LMBR1: variants seen among roughly 807,000 people sequenced by gnomAD.
LMBR1 encodes the protein limb development membrane protein 1, also known as limb region 1 protein homolog.
In LMBR1, 52 loss-of-function variants were observed where a neutral mutation model predicts 73.9. That is an observed-to-expected ratio of 0.70 (90% CI 0.56 to 0.89). The LOEUF (loss-of-function observed/expected upper bound fraction) is 0.89. Ranked by LOEUF, LMBR1 falls within the 40% of genes least tolerant of loss-of-function variation. The probability of loss-of-function intolerance (pLI) is 0.00; values close to 1 mark genes in which losing one functional copy is unlikely to be tolerated. For missense variants in LMBR1, 539 were observed against 579.8 expected (o/e 0.93, Z 0.72); for synonymous variants, 215 against 209.4 (o/e 1.03, Z -0.23).
chr7:156,698,729 C>T (rs561645842), intron 15 of LMBR1, among the ~76,000 whole-genome samples: 2 of 152,136 alleles, frequency 1.3e-5, no homozygotes, highest in Admixed American at 6.5e-5. Context: ...ACCACTTTTT[C>T]CTCCTAAACC....
intron 7 of LMBR1, 24 bp downstream of exon 7, chr7:156,763,084 A>G (rs1280578334): frequency 7.7e-6 from 9 of 1,171,530 alleles, no homozygotes; most frequent in Admixed American, 6.3e-5. Flanking sequence ...TTTTCTCTTA[A>G]TATCAAGTCT....
chr7:156,845,006 C>T (rs1839367418), intron 1 of LMBR1, among the ~76,000 whole-genome samples: 1 of 152,146 alleles, frequency 6.6e-6, no homozygotes, highest in African/African-American at 2.4e-5. Context: ...TCATTTAAGG[C>T]CTATCGGCTT....
chr7:156,817,502 GAGAGAGAGAGAGACAGAGACAGAC>G (rs897537346), intron 4 of LMBR1, among the ~76,000 whole-genome samples: 25 of 140,116 alleles, frequency 1.8e-4, no homozygotes, highest in Non-Finnish European at 2.3e-4. Context: ...CAGAGAGAGA[GAGAGAGAGAGAGACAGAGACAGAC>G]AGAGAGACAG....
downstream of LMBR1, chr7:156,676,657 T>C (rs1195876669): frequency 6.2e-7 from 1 of 1,610,312 alleles, no homozygotes; most frequent in Non-Finnish European, 8.5e-7. Context: ...GAATGTTGAA[T>C]TCATAGTCAA....
At chr7:156,836,080 T>C (rs750214595) in intron 2 of LMBR1, among the ~76,000 whole-genome samples, 2 of 152,208 alleles carry the variant, frequency 1.3e-5, no homozygotes, top group Non-Finnish European at 2.9e-5. Context: ...ACTAAACTAA[T>C]ACACTAGAGC....
In LMBR1 at chr7:156,688,096, C is replaced by A; in HGVS notation, c.1321G>T (p.Val441Leu). Reference protein sequence around the residue: ...VLSYNLLFAIVTTLCLVRKFT... With the variant: ...VLSYNLLFAILTTLCLVRKFT... ...TTTCGGACCAGACACAATGTTGTCACAATAGCAAAAAGCAAATTGTAGGAT... is the reference window on the plus strand; with the variant it reads ...TTTCGGACCAGACACAATGTTGTCAAAATAGCAAAAAGCAAATTGTAGGAT... Residue 441 changes from valine to leucine, a missense_variant, in exon 16 of 17, where the codon GTG becomes TTG. Physicochemically the swap from Val to Leu is conservative, Grantham distance 32. Coordinates refer to ENST00000353442, the MANE Select transcript of LMBR1 (RefSeq NM_022458.4). 2 of 1,612,810 alleles carry A rather than the reference C, an allele frequency of 1.2e-6. No individual in the cohort carries two copies. Among genetic ancestry groups the A allele is most frequent in the Non-Finnish European group, 1.7e-6 (2 of 1,179,606 alleles).
intron 1 of LMBR1, among the ~76,000 whole-genome samples, chr7:156,864,416 T>TA (rs1798163748): frequency 6.6e-6 from 1 of 152,206 alleles, no homozygotes; most frequent in Non-Finnish European, 1.5e-5. Context: ...TCTATATTAA[T>TA]ATGTTTCAAA....
intron 16 of LMBR1, among the ~76,000 whole-genome samples, chr7:156,687,139 G>A (rs551517704): frequency 1.9e-4 from 29 of 152,306 alleles, no homozygotes; most frequent in African/African-American, 6.5e-4. Flanking sequence ...TGCTCATATC[G>A]TTTAAGTTAT....
At chr7:156,858,801 A>G (rs111713705) in intron 1 of LMBR1, among the ~76,000 whole-genome samples, 53 of 152,318 alleles carry the variant, frequency 3.5e-4, no homozygotes, top group East Asian at 1.7e-3. Flanking sequence ...CAGGCTAAAG[A>G]TGAAACATAA....
Position 156,686,097 on chromosome 7 carries a change from AC to A in LMBR1, c.1387+1932del, listed in dbSNP as rs539682345. Among the ~76,000 whole-genome samples the A allele has an allele frequency of 1.0e-3, 154 of 152,306 alleles. 1 individual carries two copies. The highest frequency in any genetic ancestry group is 3.6e-3 in the African/African-American group (148 of 41,568). ...TAAAATCAAGCTTGTTAGAAAAGGG[AC>A]TGAGTGAAGACAGAGGATCACTGCG... On this transcript the variant is annotated intron_variant, in intron 16 of 16. Coordinates refer to ENST00000353442, the MANE Select transcript of LMBR1 (RefSeq NM_022458.4).
chr7:156,876,777 A>T (rs2134399476), intron 1 of LMBR1, among the ~76,000 whole-genome samples: 1 of 152,334 alleles, frequency 6.6e-6, no homozygotes, highest in South Asian at 2.1e-4. Flanking sequence ...ACCAAATGAT[A>T]ATAGTGACAC....
At chr7:156,684,280 G>GTGC in intron 16 of LMBR1, 117 bp from the exon 17 acceptor site, 3 of 787,094 alleles carry the variant, frequency 3.8e-6, no homozygotes, top group Non-Finnish European at 6.4e-6. Context: ...AAGCTGTGAG[G>GTGC]TGCTGGCCAG....
chr7:156,743,244 G>A (rs567111339), intron 9 of LMBR1, among the ~76,000 whole-genome samples: 2 of 152,038 alleles, frequency 1.3e-5, no homozygotes, highest in African/African-American at 2.4e-5. Flanking sequence ...AATGACTTAC[G>A]ATTTAGCTTC....
chr7:156,692,504 C>T (rs1173056161), intron 15 of LMBR1, among the ~76,000 whole-genome samples: 1 of 152,216 alleles, frequency 6.6e-6, no homozygotes, highest in Admixed American at 6.5e-5. Context: ...TCCCTCTCAA[C>T]TTTATAAACT....
intron 5 of LMBR1, among the ~76,000 whole-genome samples, chr7:156,785,891 T>C (rs888896678): frequency 3.9e-5 from 6 of 152,106 alleles, no homozygotes. Context: ...GAGAGAAATA[T>C]ACAATAAATC....
intron 1 of LMBR1, among the ~76,000 whole-genome samples, chr7:156,844,201 G>C (rs997894624): frequency 1.3e-5 from 2 of 151,916 alleles, no homozygotes; most frequent in African/African-American, 4.8e-5. Flanking sequence ...GTACACGCCT[G>C]TAATACTAGC....
At chr7:156,699,169 A>G (rs1479941233) in intron 15 of LMBR1, among the ~76,000 whole-genome samples, 1 of 150,298 alleles carries the variant, frequency 6.7e-6, no homozygotes, top group African/African-American at 2.4e-5. Flanking sequence ...ACAAGGCTAC[A>G]GTAACCAAAA....
At chr7:156,788,922 C>T (rs1828677223) in intron 5 of LMBR1, among the ~76,000 whole-genome samples, 1 of 152,092 alleles carries the variant, frequency 6.6e-6, no homozygotes, top group Non-Finnish European at 1.5e-5. Flanking sequence ...GTGGTGGGCA[C>T]CTGTAATCCC....
At chr7:156,706,146 A>G (rs1810876163) in intron 15 of LMBR1, among the ~76,000 whole-genome samples, 1 of 151,350 alleles carries the variant, frequency 6.6e-6, no homozygotes, top group Non-Finnish European at 1.5e-5. Flanking sequence ...CAGACTTTAA[A>G]TCAAAAACAG....
Sources: allele counts gnomAD v4.1 joint callset (sites outside exome capture counted in the v4.1 genomes callset), GRCh38; gene constraint gnomAD v4.1.1; transcripts MANE v1.5; gene names NCBI Gene and HGNC (gene_info 2026-07-23, HGNC 2026-07-21).